The following PIP4K2A variants were observed in gnomAD, a reference collection of about 807,000 sequenced individuals.
The protein encoded by PIP4K2A is phosphatidylinositol 5-phosphate 4-kinase type-2 alpha.
Under a neutral mutation model 42.9 loss-of-function variants are expected in PIP4K2A, and 14 were observed. The observed-to-expected ratio is 0.33, with a 90% CI of 0.22 to 0.51. The LOEUF is 0.51. Ranked by LOEUF, PIP4K2A falls within the 20% of genes least tolerant of loss-of-function variation. The probability of loss-of-function intolerance (pLI) is 0.97; values close to 1 mark genes in which losing one functional copy is unlikely to be tolerated. For missense variants in PIP4K2A, 434 were observed against 519.8 expected (o/e 0.83, Z 1.61); for synonymous variants, 192 against 192.2 (o/e 1.00, Z 0.01).
chr10:22,545,319 G>A (rs1836234347), intron 7 of PIP4K2A, among the ~76,000 whole-genome samples: 1 of 152,242 alleles, frequency 6.6e-6, no homozygotes, highest in African/African-American at 2.4e-5. Context: ...ACCTTAACAG[G>A]AAGGTCTACT....
At position 22,714,206 on chromosome 10, in the gene PIP4K2A, G is replaced by T. The variant is rs1367435735; in HGVS notation, c.121C>A (p.Leu41Ile). 1 of 1,611,526 alleles carries T rather than the reference G, an allele frequency of 6.2e-7. No homozygotes were observed. Among genetic ancestry groups the T allele is most frequent in the South Asian group, 1.1e-5 (1 of 90,966 alleles). ...FRASDPLLSVLMWGVNHSINE... is the reference protein window; with the variant it reads ...FRASDPLLSVIMWGVNHSINE... ...ACCGAGTGGTTTACCCCCCACATGA[G>T]GACGCTGAGCAGCGGGTCGCTGGCC... The change falls in exon 1 of 10, where the codon CTC (leucine) becomes ATC (isoleucine). Residue 41 changes from leucine to isoleucine, a missense_variant. Physicochemically the swap from Leu to Ile is conservative, Grantham distance 5. This residue lies in a region of PIP4K2A where 395 missense variants were observed against 444.5 expected (regional missense o/e 0.89). Coordinates refer to ENST00000376573, the MANE Select transcript of PIP4K2A (RefSeq NM_005028.5).
At chr10:22,664,166 T>TATAC (rs1554807299) in intron 1 of PIP4K2A, among the ~76,000 whole-genome samples, 1,190 of 67,262 alleles carry the variant, frequency 0.018, 52 homozygotes, top group Non-Finnish European at 0.023. Flanking sequence ...TATATATATA[T>TATAC]ACATATATAT....
intron 4 of PIP4K2A, among the ~76,000 whole-genome samples, chr10:22,576,449 G>C (rs1837124183): frequency 6.6e-6 from 1 of 152,138 alleles, no homozygotes; most frequent in South Asian, 2.1e-4. Context: ...ACACACACCA[G>C]CTGCTGGAGG....
rs116280756 is a variant in PIP4K2A, at chr10:22,703,687, A to G, written c.144+10496T>C. ...TTAACTGAGGACATGACATGAAATC[A>G]TCTACAGTTTAGCAAGATTCCTCTG... On this transcript the variant is annotated intron_variant, in intron 1 of 9. Coordinates refer to ENST00000376573, the MANE Select transcript of PIP4K2A (RefSeq NM_005028.5). Among the ~76,000 whole-genome samples the G allele has an allele frequency of 2.2e-3, 339 of 152,366 alleles. 2 individuals are homozygous for G. The highest frequency in any genetic ancestry group is 7.4e-3 in the African/African-American group (307 of 41,590).
At chr10:22,657,576 C>A (rs16922566) in intron 1 of PIP4K2A, among the ~76,000 whole-genome samples, 20,076 of 152,020 alleles carry the variant, frequency 0.13, 1,581 homozygotes, top group Middle Eastern at 0.22. Context: ...TGCTTTGACA[C>A]GAAAAAAACA....
At chr10:22,626,500 C>T (rs1838441783) in intron 1 of PIP4K2A, among the ~76,000 whole-genome samples, 2 of 152,228 alleles carry the variant, frequency 1.3e-5, no homozygotes, top group South Asian at 2.1e-4. Context: ...TACCACACTA[C>T]ATTTCTTACA....
intron 6 of PIP4K2A, among the ~76,000 whole-genome samples, chr10:22,554,103 TGCAC>T (rs1836476353): frequency 6.6e-6 from 1 of 152,030 alleles, no homozygotes; most frequent in Admixed American, 6.6e-5. Flanking sequence ...ATCGCGCCAC[TGCAC>T]TCCAGCCTGG....
intron 7 of PIP4K2A, among the ~76,000 whole-genome samples, chr10:22,549,712 G>A (rs1170374019): frequency 2.0e-5 from 3 of 151,002 alleles, no homozygotes; most frequent in Non-Finnish European, 4.4e-5. Context: ...GTGGTGGCGG[G>A]TGCCTGTAGT....
intron 7 of PIP4K2A, 111 bp downstream of exon 7, chr10:22,550,548 G>A (rs1275288956): frequency 6.8e-6 from 5 of 730,078 alleles, no homozygotes; most frequent in African/African-American, 3.5e-5. Flanking sequence ...GGTAGAGTAT[G>A]CAGGTTTTTG....
chr10:22,555,637 G>A (rs1430895926), intron 6 of PIP4K2A, among the ~76,000 whole-genome samples: 2 of 152,076 alleles, frequency 1.3e-5, no homozygotes, highest in Admixed American at 6.5e-5. Flanking sequence ...ATGTAATAGG[G>A]TTAGTGTGTA....
intron 1 of PIP4K2A, among the ~76,000 whole-genome samples, chr10:22,699,683 C>G (rs1833674689): frequency 6.6e-6 from 1 of 152,228 alleles, no homozygotes; most frequent in South Asian, 2.1e-4. Flanking sequence ...AACAAAAAAA[C>G]CAACGATTAC....
At chr10:22,683,801 C>T (rs1173950612) in intron 1 of PIP4K2A, among the ~76,000 whole-genome samples, 1 of 151,532 alleles carries the variant, frequency 6.6e-6, no homozygotes. Flanking sequence ...CTTAGCCTTT[C>T]CCAGTCTCTC....
intron 1 of PIP4K2A, among the ~76,000 whole-genome samples, chr10:22,704,758 A>G (rs959438175): frequency 6.6e-6 from 1 of 152,114 alleles, no homozygotes; most frequent in African/African-American, 2.4e-5. Flanking sequence ...TTTGCTTTCA[A>G]GATGGGCGGC....
At chr10:22,629,518 CAA>C (rs1838508209) in intron 1 of PIP4K2A, among the ~76,000 whole-genome samples, 2 of 152,006 alleles carry the variant, frequency 1.3e-5, no homozygotes, top group Non-Finnish European at 1.5e-5. Flanking sequence ...TTAAAAAAAT[CAA>C]GAGTGACTTT....
intron 1 of PIP4K2A, among the ~76,000 whole-genome samples, chr10:22,655,241 T>G (rs760440171): frequency 1.8e-4 from 27 of 152,212 alleles, no homozygotes; most frequent in Non-Finnish European, 3.5e-4. Context: ...ATACCATCTC[T>G]AAGGCAGAGG....
chr10:22,668,449 T>C (rs1839390845), intron 1 of PIP4K2A, among the ~76,000 whole-genome samples: 2 of 152,318 alleles, frequency 1.3e-5, no homozygotes, highest in South Asian at 4.1e-4. Context: ...TTTAATGGTA[T>C]GCTAGATAAA....
At chr10:22,694,313 G>C (rs960187268) in intron 1 of PIP4K2A, 1 of 152,192 alleles carries the variant, frequency 6.6e-6, no homozygotes, top group Non-Finnish European at 1.5e-5. Flanking sequence ...GGGTCCACAG[G>C]TTAGATGTCA....
intron 6 of PIP4K2A, among the ~76,000 whole-genome samples, chr10:22,565,810 C>T (rs892647188): frequency 2.1e-5 from 3 of 140,872 alleles, no homozygotes; most frequent in African/African-American, 5.3e-5. Context: ...AAAGAGAATA[C>T]GCGCCTGGAG....
intron 1 of PIP4K2A, among the ~76,000 whole-genome samples, chr10:22,713,138 C>T (rs544904628): frequency 6.6e-6 from 1 of 152,328 alleles, no homozygotes; most frequent in African/African-American, 2.4e-5. Flanking sequence ...GAGCCAACAG[C>T]TCCGATCATG....
Sources: allele counts gnomAD v4.1 joint callset (sites outside exome capture counted in the v4.1 genomes callset), GRCh38; gene constraint gnomAD v4.1.1; regional missense constraint gnomAD v4.1.1; transcripts MANE v1.5; gene names NCBI Gene and HGNC (gene_info 2026-07-23, HGNC 2026-07-21).